CCDC146: variants seen among roughly 807,000 people sequenced by gnomAD.
The protein encoded by CCDC146 is coiled-coil domain containing 146, also known as coiled-coil domain-containing protein 146.
In CCDC146, 92 loss-of-function variants were observed where a neutral mutation model predicts 119.3. The ratio of observed to expected loss-of-function variants is 0.77; its 90% CI spans 0.65 to 0.92. The LOEUF (loss-of-function observed/expected upper bound fraction) is 0.92. Among genes scored for constraint, CCDC146 ranks in the 40% least tolerant of loss-of-function variants. The probability of loss-of-function intolerance (pLI) is 0.00; values close to 1 mark genes in which losing one functional copy is unlikely to be tolerated. For synonymous variants in CCDC146, 372 were observed against 371.8 expected (o/e 1.00, Z -0.01); for missense variants, 1,000 against 1,103.0 (o/e 0.91, Z 1.32).
At chr7:77,236,890 C>T in intron 2 of CCDC146, 57 bp from the exon 3 acceptor site, 1 of 1,284,374 alleles carries the variant, frequency 7.8e-7, no homozygotes, top group Non-Finnish European at 1.1e-6. Flanking sequence ...CATTCCATCC[C>T]CTGCTTAAGC....
chr7:77,171,662 C>T (rs556554319), intron 2 of CCDC146, among the ~76,000 whole-genome samples: 2 of 152,230 alleles, frequency 1.3e-5, no homozygotes, highest in Non-Finnish European at 2.9e-5. Context: ...ACACAGGAAC[C>T]TGACGGCCTG....
intron 7 of CCDC146, 179 bp downstream of exon 7, chr7:77,259,247 T>A (rs12670874): frequency 0.16 from 80,713 of 518,286 alleles, 10,654 homozygotes; most frequent in East Asian, 0.48. Flanking sequence ...GCACCAAATT[T>A]CTATCATTCA....
intron 15 of CCDC146, 73 bp from the exon 16 acceptor site, chr7:77,286,725 C>A: frequency 6.6e-7 from 1 of 1,515,620 alleles, no homozygotes; most frequent in Non-Finnish European, 9.1e-7. Flanking sequence ...ACTCTCAAGA[C>A]CCTAGGCAAT....
chr7:77,130,330 T>C (rs1032447195), intron 1 of CCDC146, among the ~76,000 whole-genome samples: 1 of 152,054 alleles, frequency 6.6e-6, no homozygotes, highest in Admixed American at 6.5e-5. Flanking sequence ...CAAGAAAGCA[T>C]AGTTAAGGCT....
At chr7:77,151,427 G>T (rs1471396698) in intron 1 of CCDC146, among the ~76,000 whole-genome samples, 5 of 152,012 alleles carry the variant, frequency 3.3e-5, no homozygotes, top group Non-Finnish European at 2.9e-5. Context: ...GATTGTAAAG[G>T]GGCACAAAGA....
intron 9 of CCDC146, among the ~76,000 whole-genome samples, chr7:77,266,599 G>T (rs1422397547): frequency 6.6e-6 from 1 of 152,150 alleles, no homozygotes; most frequent in African/African-American, 2.4e-5. Flanking sequence ...GGTATAGTCA[G>T]AATGACACTG....
At chr7:77,237,058 A>T in intron 3 of CCDC146, 29 bp downstream of exon 3, 2 of 1,555,602 alleles carry the variant, frequency 1.3e-6, no homozygotes, top group Non-Finnish European at 1.8e-6. Flanking sequence ...TGGAGACATG[A>T]TTAATCACCT....
rs1793594832 is a variant in CCDC146 at position 77,274,603 on chromosome 7, T to C, written c.1391T>C (p.Ile464Thr). Reference protein sequence around the residue: ...LVVNLLRMTQIKIDEKEQKSK... With the variant: ...LVVNLLRMTQTKIDEKEQKSK... ...GTCAACCTTCTCCGCATGACTCAAA[T>C]CAAAATTGATGAAAAGGAACAAAAG... The change falls in exon 11 of 19, where the codon ATC (isoleucine) becomes ACC (threonine). Residue 464 changes from isoleucine to threonine, a missense_variant. Coordinates refer to ENST00000285871, the MANE Select transcript of CCDC146 (RefSeq NM_020879.3). The C allele has an allele frequency of 6.2e-7, 1 of 1,612,682 alleles. No individual in the cohort carries two copies. Among genetic ancestry groups the C allele is most frequent in the South Asian group, 1.1e-5 (1 of 90,872 alleles).
chr7:77,161,458 T>TA (rs1791260040), intron 1 of CCDC146, among the ~76,000 whole-genome samples: 1 of 151,832 alleles, frequency 6.6e-6, no homozygotes, highest in Non-Finnish European at 1.5e-5. Context: ...TATGCAGCCA[T>TA]AAAAAATGGT....
At chr7:77,261,615 C>T (rs1171963285) in intron 8 of CCDC146, among the ~76,000 whole-genome samples, 1 of 151,988 alleles carries the variant, frequency 6.6e-6, no homozygotes, top group Non-Finnish European at 1.5e-5. Context: ...GTAGCTGGGA[C>T]TACAGGCGCC....
At chr7:77,193,262 T>C (rs1791804530) in intron 2 of CCDC146, 1 of 152,256 alleles carries the variant, frequency 6.6e-6, no homozygotes, top group Admixed American at 6.5e-5. Context: ...TATTTGCCTC[T>C]GACTTCTTGT....
intron 4 of CCDC146, among the ~76,000 whole-genome samples, chr7:77,252,760 G>T (rs778528489): frequency 6.6e-6 from 1 of 152,216 alleles, no homozygotes; most frequent in African/African-American, 2.4e-5. Context: ...TAAAATCTCA[G>T]CAGAAGAACT....
At chr7:77,213,284 G>A (rs1029563139) in intron 2 of CCDC146, among the ~76,000 whole-genome samples, 9 of 151,326 alleles carry the variant, frequency 5.9e-5, no homozygotes, top group African/African-American at 1.2e-4. Context: ...GTAGAATCAA[G>A]GTCTCACCAC....
At chr7:77,149,786 CGAGAGAGA>C (rs59790559) in intron 1 of CCDC146, among the ~76,000 whole-genome samples, 11 of 136,104 alleles carry the variant, frequency 8.1e-5, no homozygotes, top group Non-Finnish European at 9.5e-5. Flanking sequence ...AAAAAAAAAG[CGAGAGAGA>C]GAGAGAGAGA....
At chr7:77,250,973 TTGTGTGTGTGTGTGTGTGTG>T (rs58026945) in intron 4 of CCDC146, among the ~76,000 whole-genome samples, 3,048 of 114,722 alleles carry the variant, frequency 0.027, 114 homozygotes, top group East Asian at 0.18. Context: ...TCTCTGGTAT[TTGTGTGTGTGTGTGTGTGTG>T]TGTGTGTGTG....
intron 1 of CCDC146, among the ~76,000 whole-genome samples, chr7:77,125,394 T>G (rs766971966): frequency 2.6e-5 from 4 of 151,668 alleles, no homozygotes; most frequent in Non-Finnish European, 5.9e-5. Context: ...AAAATTATAC[T>G]TTACAGAAAC....
chr7:77,237,048 T>A lies in CCDC146; in HGVS notation c.239+19T>A. 6.3e-7 allele frequency: 1 copy of A among 1,595,354 alleles called. No homozygotes were observed. Among genetic ancestry groups the A allele is most frequent in the Non-Finnish European group, 8.6e-7 (1 of 1,162,982 alleles). On this transcript the variant is annotated intron_variant, in intron 3 of 18. Transcript: ENST00000285871. ...TGATGAGGTATGCAATTTACCAATA[T>A]GGAGACATGATTAATCACCTTTAAA...
chr7:77,155,206 G>A (rs1329985361), intron 1 of CCDC146, among the ~76,000 whole-genome samples: 5 of 152,150 alleles, frequency 3.3e-5, no homozygotes, highest in Non-Finnish European at 5.9e-5. Flanking sequence ...AGTGTTTCTC[G>A]CCACACTGTG....
At chr7:77,238,773 C>A (rs1321476866) in intron 3 of CCDC146, among the ~76,000 whole-genome samples, 1 of 152,118 alleles carries the variant, frequency 6.6e-6, no homozygotes, top group Admixed American at 6.5e-5. Context: ...GACTTAACTT[C>A]CTCCTCCCCT....
Sources: allele counts gnomAD v4.1 joint callset (sites outside exome capture counted in the v4.1 genomes callset), GRCh38; gene constraint gnomAD v4.1.1; transcripts MANE v1.5; gene names NCBI Gene and HGNC (gene_info 2026-07-23, HGNC 2026-07-21).